The following MME variants were observed in gnomAD, a reference collection of about 807,000 sequenced individuals.
MME encodes the protein neprilysin.
In MME, 98 loss-of-function variants were observed where a neutral mutation model predicts 113.2. The observed-to-expected ratio is 0.87, with a 90% CI of 0.74 to 1.02. The LOEUF (loss-of-function observed/expected upper bound fraction) is 1.02. MME is among the 50% of genes least tolerant of loss of function. The pLI, the probability that MME is intolerant of heterozygous loss-of-function variation, is 0.00. For missense variants in MME, 836 were observed against 896.0 expected (o/e 0.93, Z 0.86); for synonymous variants, 292 against 300.6 (o/e 0.97, Z 0.30).
chr3:155,054,501 T>C lies in MME; in HGVS notation c.-10-29657T>C, dbSNP rs1713861937. ...TACTTTGCCTGTGCACTCTCCCATA[T>C]AATTTTGTTAAAAACTCACTGTATA... On this transcript the variant is annotated intron_variant, in intron 1 of 22. Transcript: ENST00000492661. Among the ~76,000 whole-genome samples the C allele has an allele frequency of 1.3e-5, 2 of 152,186 alleles. 1 individual carries two copies. Among genetic ancestry groups the C allele is most frequent in the South Asian group, 4.1e-4 (2 of 4,830 alleles).
At chr3:155,045,174 C>T (rs1304834863) in intron 1 of MME, among the ~76,000 whole-genome samples, 9 of 146,480 alleles carry the variant, frequency 6.1e-5, no homozygotes, top group East Asian at 4.0e-4. Flanking sequence ...TTTTTTCAGA[C>T]GGAGTCTCGC....
chr3:155,140,328 C>T (rs765475212), intron 10 of MME, 36 bp downstream of exon 10: 39 of 1,333,002 alleles, frequency 2.9e-5, no homozygotes, highest in African/African-American at 4.4e-5. Context: ...CTTATTGTGC[C>T]GTTTTCTAAA....
At chr3:155,049,865 T>C (rs540670651) in intron 1 of MME, among the ~76,000 whole-genome samples, 34 of 152,250 alleles carry the variant, frequency 2.2e-4, no homozygotes, top group African/African-American at 7.7e-4. Context: ...AGGGGTACAC[T>C]TGCAAGTTTG....
At chr3:155,127,125 T>C (rs1448348522) in intron 8 of MME, among the ~76,000 whole-genome samples, 1 of 152,158 alleles carries the variant, frequency 6.6e-6, no homozygotes, top group African/African-American at 2.4e-5. Flanking sequence ...AGGCACTTGA[T>C]TTTGCATATT....
chr3:155,066,214 T>C (rs1477172689), intron 1 of MME, among the ~76,000 whole-genome samples: 2 of 152,238 alleles, frequency 1.3e-5, no homozygotes, highest in Admixed American at 1.3e-4. Flanking sequence ...TGTAACATTA[T>C]GACAATGTAA....
rs1054851183 is a variant in MME at position 155,118,728 on chromosome 3, T to C, written c.655-18T>C. 1 of 1,481,938 alleles carries C rather than the reference T, an allele frequency of 6.7e-7. No individual in the cohort carries two copies. Among genetic ancestry groups the C allele is most frequent in the Admixed American group, 1.7e-5 (1 of 58,530 alleles). The allele number at this position is 1,481,938 out of a possible 1,614,324, so 91.8% of individuals were successfully genotyped here. On this transcript the variant is annotated intron_variant, in intron 7 of 22. Coordinates refer to ENST00000360490, the MANE Select transcript of MME (RefSeq NM_007289.4). ...ATTCACTGAATGATTTATTTTCTTT[T>C]ATGTATATTTTTTATAGATTGACCA...
At chr3:155,169,559 TA>T (rs916879651) in intron 20 of MME, among the ~76,000 whole-genome samples, 3 of 152,070 alleles carry the variant, frequency 2.0e-5, no homozygotes, top group African/African-American at 7.2e-5. Flanking sequence ...GGGAATTTCA[TA>T]AAAGGGTGGA....
chr3:155,092,506 C>A (rs1716380611), intron 3 of MME, among the ~76,000 whole-genome samples: 1 of 152,182 alleles, frequency 6.6e-6, no homozygotes. Context: ...CTAGGTGTTA[C>A]TTAAAATAAA....
intron 1 of MME, among the ~76,000 whole-genome samples, chr3:155,047,100 C>T (rs547175927): frequency 4.6e-5 from 7 of 152,318 alleles, no homozygotes; most frequent in African/African-American, 1.7e-4. Context: ...ACTCACCACT[C>T]ACTCACTGAC....
intron 1 of MME, among the ~76,000 whole-genome samples, chr3:155,082,928 A>G (rs1576694709): frequency 6.6e-6 from 1 of 152,212 alleles, no homozygotes; most frequent in Non-Finnish European, 1.5e-5. Context: ...CTATAAGAGC[A>G]TTTCTGAGCC....
chr3:155,142,437 C>CA lies in MME; in HGVS notation c.1188+111dup, dbSNP rs1721185818. The CA allele has an allele frequency of 9.1e-6, 8 of 877,640 alleles. No homozygotes were observed. In the South Asian group the frequency reaches 1.2e-4, roughly 13 times the overall value. The allele number at this position is 877,640 out of a possible 1,614,324, so 54.4% of individuals were successfully genotyped here. The stretch of plus-strand genomic sequence containing the variant: ...GGACATGGTGAACTTTGCAAAGGGA[C>CA]AAAATGCCAAAGTTCGTTATCTTGC... On this transcript the variant is annotated intron_variant, in intron 12 of 22. Coordinates refer to ENST00000360490, the MANE Select transcript of MME (RefSeq NM_007289.4).
Position 155,148,624 on chromosome 3 carries a change from G to T in MME, c.1572G>T (p.Lys524Asn). ...NLKFSQSKQL[K>N]KLREKVDKDE... Reference sequence around the variant, plus strand: ...AATTCAGCCAAAGTAAACAACTGAAGAAGCTCCGAGAAAAGGTGGACAAAG... The same window carrying T: ...AATTCAGCCAAAGTAAACAACTGAATAAGCTCCGAGAAAAGGTGGACAAAG... The change falls in exon 16 of 23, where the codon AAG becomes AAT. Residue 524 changes from lysine to asparagine, a missense_variant. Lys to Asn is a moderately conservative substitution (Grantham distance 94, BLOSUM62 0). Coordinates refer to ENST00000360490, the MANE Select transcript of MME (RefSeq NM_007289.4). The T allele has an allele frequency of 5.6e-6, 9 of 1,612,622 alleles. No homozygotes were observed. Among genetic ancestry groups the T allele is most frequent in the Non-Finnish European group, 6.8e-6 (8 of 1,178,994 alleles).
intron 1 of MME, among the ~76,000 whole-genome samples, chr3:155,063,355 T>TTTATATATATTTATATATAAATG (rs1352213306): frequency 9.4e-6 from 1 of 106,046 alleles, no homozygotes; most frequent in African/African-American, 4.5e-5. Context: ...ATAATGTATA[T>TTTATATATATTTATATATAAATG]TATATTTATA....
At chr3:155,057,094 A>G (rs1256292224) in intron 1 of MME, among the ~76,000 whole-genome samples, 1 of 152,218 alleles carries the variant, frequency 6.6e-6, no homozygotes, top group Non-Finnish European at 1.5e-5. Context: ...AAACTGACAA[A>G]TGGACTCTAA....
intron 1 of MME, among the ~76,000 whole-genome samples, chr3:155,025,068 AG>A (rs1356268323): frequency 7.2e-5 from 11 of 152,314 alleles, no homozygotes; most frequent in African/African-American, 2.4e-4. Flanking sequence ...CAGGCTTGTT[AG>A]GTAGGGCCCC....
chr3:155,100,301 A>T (rs973571365), intron 3 of MME, among the ~76,000 whole-genome samples: 3 of 152,250 alleles, frequency 2.0e-5, no homozygotes, highest in African/African-American at 7.2e-5. Flanking sequence ...ACATGAAAAA[A>T]TGCTCATCAT....
chr3:155,060,478 C>G (rs1414193652), intron 1 of MME, among the ~76,000 whole-genome samples: 1 of 152,102 alleles, frequency 6.6e-6, no homozygotes, highest in Non-Finnish European at 1.5e-5. Context: ...TAACACTTCA[C>G]GATCCTAGAG....
chr3:155,172,486 C>A, intron 21 of MME, 50 bp from the exon 22 acceptor site: 4 of 1,407,358 alleles, frequency 2.8e-6, no homozygotes, highest in South Asian at 1.2e-5. Flanking sequence ...AACAAATAAT[C>A]CTTGATTGAA....
intron 12 of MME, 138 bp from the exon 13 acceptor site, chr3:155,143,305 G>A: frequency 3.0e-6 from 3 of 986,216 alleles, no homozygotes; most frequent in Non-Finnish European, 4.8e-6. Flanking sequence ...TTTCATCATA[G>A]GCTAGGAACA....
Sources: gnomAD v4.1 joint callset for allele counts (sites outside exome capture counted in the v4.1 genomes callset) on GRCh38, gnomAD v4.1.1 for gene constraint, MANE v1.5 for transcripts, NCBI Gene and HGNC (gene_info 2026-07-23, HGNC 2026-07-21) for gene names.